Variants in STX7 observed in about 807,000 individuals in gnomAD.
STX7 encodes syntaxin-7.
Under a neutral mutation model 39.6 loss-of-function variants are expected in STX7, and 34 were observed. The observed-to-expected ratio is 0.86, with a 90% CI of 0.65 to 1.14. The LOEUF is 1.14. Ranked by LOEUF, STX7 falls within the 50% of genes most tolerant of loss-of-function variation. STX7 has a pLI of 0.00. For missense variants in STX7, 284 were observed against 310.4 expected, an observed-to-expected ratio of 0.92 and a Z score of 0.64; for synonymous variants, 119 against 99.1, an observed-to-expected ratio of 1.20 and a Z score of -1.19.
At chr6:132,492,728 G>A (rs1184342273) in intron 2 of STX7, among the ~76,000 whole-genome samples, 1 of 152,062 alleles carries the variant, frequency 6.6e-6, no homozygotes, top group African/African-American at 2.4e-5. Flanking sequence ...CAGGGTGACT[G>A]GAAGATCAAA....
chr6:132,465,057 G>A lies in STX7; in HGVS notation c.611-982C>T, dbSNP rs374715113. The stretch of plus-strand genomic sequence containing the variant: ...TCATTCCTTGAATATTTTAGCCTCT[G>A]ACTCACTGATGCTCTCTCCAACACT... On this transcript the variant is annotated intron_variant, in intron 8 of 9. Coordinates refer to ENST00000367941, the MANE Select transcript of STX7 (RefSeq NM_003569.3). 2.0e-5 allele frequency among the ~76,000 whole-genome samples: 3 copies of A among 152,078 alleles called. No homozygotes were observed. The East Asian group carries it at 5.8e-4, about 29-fold the overall frequency.
rs1774847520 is a variant in STX7, at chr6:132,475,370, C to T, written c.155+223G>A. 4 of 303,678 alleles carry T rather than the reference C, an allele frequency of 1.3e-5. No homozygotes were observed. The South Asian group carries it at 2.7e-4, about 20-fold the overall frequency. 18.8% of individuals were successfully genotyped at this position (303,678 alleles called of 1,614,324 possible). On this transcript the variant is annotated intron_variant, in intron 3 of 9. Coordinates refer to ENST00000367941, the MANE Select transcript of STX7 (RefSeq NM_003569.3). ...AACTCCTGAACTTGTGATCTGCCCA[C>T]CTCAGTCTTCCAGATCTTTAATATA...
intron 1 of STX7, among the ~76,000 whole-genome samples, chr6:132,512,092 G>A (rs1411504012): frequency 6.6e-6 from 1 of 152,116 alleles, no homozygotes; most frequent in East Asian, 1.9e-4. Flanking sequence ...ATCAGCCTCT[G>A]CCCAGGTGTG....
At chr6:132,477,507 C>G (rs1033050944) in intron 2 of STX7, among the ~76,000 whole-genome samples, 1 of 151,982 alleles carries the variant, frequency 6.6e-6, no homozygotes, top group Admixed American at 6.6e-5. Flanking sequence ...TACCTCCCAG[C>G]ATATAGCAAA....
Position 132,468,989 on chromosome 6 carries a change from T to A in STX7, c.538-514A>T, listed in dbSNP as rs779629091. 5.8e-4 allele frequency among the ~76,000 whole-genome samples: 88 copies of A among 152,352 alleles called. 3 individuals are homozygous for A. The highest frequency in any genetic ancestry group is 2.9e-4 in the Non-Finnish European group (20 of 68,024). On this transcript the variant is annotated intron_variant, in intron 7 of 9. Transcript: ENST00000367941. ...ATGTCACTACTGAATAAAGAAGTTA[T>A]AAACTTGGTGATTAAATATAAATTT...
intron 2 of STX7, among the ~76,000 whole-genome samples, chr6:132,492,020 C>T (rs936925434): frequency 2.0e-5 from 3 of 152,210 alleles, no homozygotes; most frequent in Non-Finnish European, 4.4e-5. Context: ...ACTGCCTCTG[C>T]ACCAGCACTG....
chr6:132,472,648 A>G (rs1159803992), intron 3 of STX7, among the ~76,000 whole-genome samples: 3 of 152,200 alleles, frequency 2.0e-5, no homozygotes, highest in South Asian at 4.1e-4. Flanking sequence ...CTTGAATCAG[A>G]GGGAACCTGA....
At chr6:132,478,152 T>C (rs1221620444) in intron 2 of STX7, among the ~76,000 whole-genome samples, 2 of 151,634 alleles carry the variant, frequency 1.3e-5, no homozygotes, top group African/African-American at 4.9e-5. Flanking sequence ...ATAACAAACA[T>C]GCACGTTCTG....
At chr6:132,507,823 GT>G (rs2114485341) in intron 1 of STX7, among the ~76,000 whole-genome samples, 1 of 152,290 alleles carries the variant, frequency 6.6e-6, no homozygotes, top group South Asian at 2.1e-4. Context: ...AAAATGTTCA[GT>G]TTGTTATTCA....
intron 9 of STX7, among the ~76,000 whole-genome samples, 175 bp from the exon 10 acceptor site, chr6:132,461,025 T>C (rs1432499413): frequency 1.3e-5 from 2 of 152,254 alleles, no homozygotes; most frequent in Non-Finnish European, 2.9e-5. Flanking sequence ...TTAATACATA[T>C]GGCACTATTC....
In STX7 at chr6:132,446,828, G is replaced by C. The variant is rs1177208608; in HGVS notation, c.*13930C>G. 2.0e-5 allele frequency: 3 copies of C among 152,060 alleles called. No homozygotes were observed. Among genetic ancestry groups the C allele is most frequent in the Non-Finnish European group, 4.4e-5 (3 of 67,996 alleles). The allele number at this position is 152,060 out of a possible 1,614,324, so 9.4% of individuals were successfully genotyped here. ...TTTCCCCATCTCTGAACCAATCTCTGAGGCAAAAAGAATGCTATTAGGCTG... is the reference window on the plus strand; with the variant it reads ...TTTCCCCATCTCTGAACCAATCTCTCAGGCAAAAAGAATGCTATTAGGCTG... On this transcript the variant is annotated 3_prime_UTR_variant, in exon 10 of 10. Coordinates refer to ENST00000367941, the MANE Select transcript of STX7 (RefSeq NM_003569.3).
intron 2 of STX7, among the ~76,000 whole-genome samples, chr6:132,485,264 T>C (rs1562331490): frequency 6.6e-6 from 1 of 152,232 alleles, no homozygotes; most frequent in Non-Finnish European, 1.5e-5. Flanking sequence ...TCTAAAGTTT[T>C]ATATAAATGT....
intron 1 of STX7, among the ~76,000 whole-genome samples, chr6:132,508,703 G>A (rs996024797): frequency 2.6e-5 from 4 of 151,908 alleles, no homozygotes; most frequent in African/African-American, 9.7e-5. Flanking sequence ...TAGAGATGGG[G>A]GTCTCACTTT....
In STX7 at chr6:132,471,559, G is replaced by A. The variant is rs1774723310; in HGVS notation, c.291C>T (p.Phe97=). ...KIQKDRLVAE[F]TTSLTNFQKV... ...TCTGGAAGTTTGTCAGTGATGTTGT[G>A]AACTCTGCCACTAAGCGATCCTTCT... The change falls in exon 5 of 10, where the codon TTC becomes TTT. Residue 97 remains phenylalanine (F), a synonymous_variant. Transcript: ENST00000367941. The A allele has an allele frequency of 6.2e-7, 1 of 1,613,786 alleles. No homozygotes were observed. Among genetic ancestry groups the A allele is most frequent in the African/African-American group, 1.3e-5 (1 of 74,898 alleles).
chr6:132,485,727 C>T (rs572818805), intron 2 of STX7, among the ~76,000 whole-genome samples: 1 of 152,264 alleles, frequency 6.6e-6, no homozygotes, highest in South Asian at 2.1e-4. Context: ...GGTATCCGTG[C>T]TTTTAATTTG....
intron 1 of STX7, among the ~76,000 whole-genome samples, chr6:132,506,786 G>C (rs922249913): frequency 4.0e-5 from 6 of 151,664 alleles, no homozygotes; most frequent in Non-Finnish European, 8.8e-5. Context: ...TCGTTACTGG[G>C]TATCTACCCA....
At chr6:132,475,956 G>C (rs1774864000) in intron 2 of STX7, among the ~76,000 whole-genome samples, 1 of 151,876 alleles carries the variant, frequency 6.6e-6, no homozygotes, top group Admixed American at 6.6e-5. Flanking sequence ...GTAAATACAA[G>C]GGCACACAGA....
intron 2 of STX7, among the ~76,000 whole-genome samples, chr6:132,502,388 C>T (rs6936401): frequency 0.078 from 11,790 of 151,896 alleles, 570 homozygotes; most frequent in East Asian, 0.15. Context: ...GGTAATGCCC[C>T]GAGGGCCAAA....
In STX7 at chr6:132,456,903, T is replaced by C. The variant is rs1321675957; in HGVS notation, c.*3855A>G. The C allele has an allele frequency of 1.3e-5, 2 of 152,282 alleles. No individual in the cohort carries two copies. Among genetic ancestry groups the C allele is most frequent in the Non-Finnish European group, 2.9e-5 (2 of 68,066 alleles). 9.4% of individuals were successfully genotyped at this position (152,282 alleles called of 1,614,324 possible). A position where few individuals can be genotyped will look rare whatever the true frequency, so the allele number is the denominator to read the frequency against. The stretch of plus-strand genomic sequence containing the variant: ...GACCATGAGAAAAGGAGAGACCATC[T>C]TTCCTCAGAGGCCACTGCAGACAGA... On this transcript the variant is annotated 3_prime_UTR_variant, in exon 10 of 10. Coordinates refer to ENST00000367941, the MANE Select transcript of STX7 (RefSeq NM_003569.3).
Sources: gnomAD v4.1 joint callset for allele counts (sites outside exome capture counted in the v4.1 genomes callset) on GRCh38, gnomAD v4.1.1 for gene constraint, MANE v1.5 for transcripts, NCBI Gene and HGNC (gene_info 2026-07-23, HGNC 2026-07-21) for gene names.